SPART: variants seen among roughly 807,000 people sequenced by gnomAD.
The protein encoded by SPART is spartin.
Under a neutral mutation model 58.7 loss-of-function variants are expected in SPART, and 35 were observed. That is an observed-to-expected ratio of 0.60 (90% CI 0.46 to 0.79). The LOEUF is 0.79. Ranked by LOEUF, SPART falls within the 30% of genes least tolerant of loss-of-function variation. SPART has a pLI of 0.00. For missense variants in SPART, 730 were observed against 786.1 expected (o/e 0.93, Z 0.85); for synonymous variants, 284 against 280.7 (o/e 1.01, Z -0.12).
chr13:36,308,701 A>T (rs1880766221), intron 8 of SPART, among the ~76,000 whole-genome samples: 3 of 151,588 alleles, frequency 2.0e-5, no homozygotes, highest in African/African-American at 7.3e-5. Context: ...CTATTTTCTA[A>T]TATGATAATC....
intron 8 of SPART, among the ~76,000 whole-genome samples, chr13:36,307,645 CTT>C (rs1880652425): frequency 1.3e-5 from 2 of 152,096 alleles, no homozygotes; most frequent in South Asian, 4.1e-4. Context: ...AAAGGTGAAA[CTT>C]AAGCTTCATA....
At chr13:36,315,560 T>A (rs1037534955) in intron 5 of SPART, among the ~76,000 whole-genome samples, 1 of 152,194 alleles carries the variant, frequency 6.6e-6, no homozygotes, top group African/African-American at 2.4e-5. Flanking sequence ...TTAGAAATTT[T>A]ATGTTTCTCT....
At chr13:36,345,904 C>T (rs1012394090) in intron 1 of SPART, among the ~76,000 whole-genome samples, 17 of 152,100 alleles carry the variant, frequency 1.1e-4, no homozygotes, top group Admixed American at 1.0e-3. Context: ...AATAGCGATG[C>T]TCCGAAAGGA....
At chr13:36,350,197 C>T (rs1885358741), upstream of SPART, among the ~76,000 whole-genome samples, 1 of 152,218 alleles carries the variant, frequency 6.6e-6, no homozygotes, top group African/African-American at 2.4e-5. Context: ...TCCAAAACCA[C>T]TAACCCAGGT....
At chr13:36,337,646 T>C (rs1884148162) in intron 1 of SPART, among the ~76,000 whole-genome samples, 1 of 152,198 alleles carries the variant, frequency 6.6e-6, no homozygotes, top group South Asian at 2.1e-4. Flanking sequence ...AAACCTCTTT[T>C]CTTTATAAAG....
In SPART at chr13:36,304,645, G is replaced by C; in HGVS notation, c.1734-13C>G. 6.2e-7 allele frequency: 1 copy of C among 1,612,974 alleles called. No homozygotes were observed. Among genetic ancestry groups the C allele is most frequent in the Non-Finnish European group, 8.5e-7 (1 of 1,179,406 alleles). ...ATTATATCCGTATCTTTAAAAGAAA[G>C]ATTAGAGGACATACAATGAAACAAT... is the stretch of plus-strand genomic sequence containing the variant. On this transcript the variant is annotated splice_polypyrimidine_tract_variant and intron_variant, in intron 8 of 8. Coordinates refer to ENST00000438666, the MANE Select transcript of SPART (RefSeq NM_015087.5).
intron 1 of SPART, among the ~76,000 whole-genome samples, chr13:36,352,655 C>T (rs908095264): frequency 6.6e-6 from 1 of 152,022 alleles, no homozygotes; most frequent in African/African-American, 2.4e-5. Flanking sequence ...GCAGTGAAAA[C>T]TGAGAAGAGG....
At chr13:36,322,001 GC>G (rs1458213137) in intron 5 of SPART, among the ~76,000 whole-genome samples, 1 of 151,592 alleles carries the variant, frequency 6.6e-6, no homozygotes, top group Non-Finnish European at 1.5e-5. Context: ...CCCCACTCCT[GC>G]CCGCCAGAGA....
At chr13:36,324,167 G>A (rs1164945149) in intron 5 of SPART, among the ~76,000 whole-genome samples, 2 of 152,124 alleles carry the variant, frequency 1.3e-5, no homozygotes, top group Admixed American at 6.6e-5. Flanking sequence ...AGGGAAGTGG[G>A]GTCTATGTCA....
At position 36,335,590 on chromosome 13, in the gene SPART, T is replaced by C. The variant is rs763173834; in HGVS notation, c.241A>G (p.Met81Val). The C allele has an allele frequency of 6.2e-7, 1 of 1,613,604 alleles. No homozygotes were observed. Among genetic ancestry groups the C allele is most frequent in the South Asian group, 1.1e-5 (1 of 90,996 alleles). ...CGTACATTCTGTAGAGTTTCTTTCA[T>C]TTTCTGTTGCATCTGTCTAGCAGAT... is the stretch of plus-strand genomic sequence containing the variant. ...WESARQMQQK[M>V]KETLQNVRTR... The change falls in exon 2 of 9, where the codon ATG (methionine) becomes GTG (valine). Residue 81 changes from methionine (M) to valine (V), a missense_variant. Met to Val is a conservative substitution (Grantham distance 21). Transcript: ENST00000438666.
intron 1 of SPART, among the ~76,000 whole-genome samples, chr13:36,356,770 G>C (rs1885637038): frequency 2.6e-5 from 4 of 152,126 alleles, no homozygotes; most frequent in African/African-American, 7.2e-5. Context: ...CTCATATTTG[G>C]CTCAGAATAA....
chr13:36,341,522 G>A (rs1884587666), intron 1 of SPART, among the ~76,000 whole-genome samples: 1 of 152,096 alleles, frequency 6.6e-6, no homozygotes, highest in Non-Finnish European at 1.5e-5. Context: ...CATTGCAAGT[G>A]CTCAATATCC....
At chr13:36,356,709 T>G (rs1465441384) in intron 1 of SPART, among the ~76,000 whole-genome samples, 1 of 152,208 alleles carries the variant, frequency 6.6e-6, no homozygotes, top group Non-Finnish European at 1.5e-5. Context: ...TCGACCACCT[T>G]GGGCACATGT....
rs1377575422 is a variant in SPART at position 36,304,378 on chromosome 13, T to C, written c.1988A>G (p.Lys663Arg). 6.2e-7 allele frequency: 1 copy of C among 1,614,114 alleles called. No homozygotes were observed. The highest frequency in any genetic ancestry group is 2.2e-5 in the East Asian group (1 of 44,878). The change falls in exon 9 of 9, where the codon AAG becomes AGG. Residue 663 changes from lysine to arginine, a missense_variant. By Grantham distance (26) the Lys-to-Arg change is conservative. Coordinates refer to ENST00000438666, the MANE Select transcript of SPART (RefSeq NM_015087.5). ...EQTKEVKEAK[K>R]KDK is the part of the protein sequence containing the mutation. ...CCCAGCACTTCATCATTTATCTTTC[T>C]TCTTTGCCTCCTTTACTTCCTTCGT...
chr13:36,306,583 T>C (rs1880529138), intron 8 of SPART, among the ~76,000 whole-genome samples: 1 of 152,174 alleles, frequency 6.6e-6, no homozygotes, highest in South Asian at 2.1e-4. Context: ...ATTCCACTGA[T>C]ACAGTTTGAT....
chr13:36,356,015 T>C (rs1438725645), intron 1 of SPART, among the ~76,000 whole-genome samples: 2 of 152,182 alleles, frequency 1.3e-5, no homozygotes, highest in African/African-American at 4.8e-5. Flanking sequence ...AGTACTTAGC[T>C]GAAGGCAGCC....
At chr13:36,311,178 A>C (rs1339268787) in intron 8 of SPART, among the ~76,000 whole-genome samples, 1 of 152,182 alleles carries the variant, frequency 6.6e-6, no homozygotes, top group Non-Finnish European at 1.5e-5. Context: ...TGCCAGGATA[A>C]AGAAGTATCC....
upstream of SPART, among the ~76,000 whole-genome samples, chr13:36,348,657 G>A (rs1258009503): frequency 6.6e-6 from 1 of 152,162 alleles, no homozygotes. Flanking sequence ...TGCAAGACTT[G>A]TATGCTGAAG....
chr13:36,331,629 C>A lies in SPART; in HGVS notation c.811-33G>T, dbSNP rs1283283037. ...GATTCATTAGAAGAAAAAAAATATA[C>A]ATATAAATAAATGAAACTAGATTTT... is the stretch of plus-strand genomic sequence containing the variant. On this transcript the variant is annotated intron_variant, in intron 2 of 8. Transcript: ENST00000438666. 2.1e-6 allele frequency: 3 copies of A among 1,434,236 alleles called. No individual in the cohort carries two copies. The South Asian group carries it at 3.7e-5, about 18-fold the overall frequency. 88.8% of individuals were successfully genotyped at this position (1,434,236 alleles called of 1,614,324 possible).
Sources: allele counts gnomAD v4.1 joint callset (sites outside exome capture counted in the v4.1 genomes callset), GRCh38; gene constraint gnomAD v4.1.1; transcripts MANE v1.5; gene names NCBI Gene and HGNC (gene_info 2026-07-23, HGNC 2026-07-21).